MGAT5: variants seen among roughly 807,000 people sequenced by gnomAD.
The protein encoded by MGAT5 is alpha-1,6-mannosylglycoprotein 6-beta-N-acetylglucosaminyltransferase A.
Under a neutral mutation model 94.3 loss-of-function variants are expected in MGAT5, and 30 were observed. That is an observed-to-expected ratio of 0.32 (90% CI 0.24 to 0.43). MGAT5 has a LOEUF of 0.43. MGAT5 is among the 20% of genes least tolerant of loss of function. The probability of loss-of-function intolerance (pLI) is 1.00; values close to 1 mark genes in which losing one functional copy is unlikely to be tolerated. For missense variants in MGAT5, 691 were observed against 905.5 expected (o/e 0.76, Z 3.04); for synonymous variants, 310 against 322.9 (o/e 0.96, Z 0.43).
At chr2:134,235,204 C>G (rs1292360297) in intron 1 of MGAT5, among the ~76,000 whole-genome samples, 3 of 152,092 alleles carry the variant, frequency 2.0e-5, no homozygotes, top group Non-Finnish European at 4.4e-5. Context: ...TGCCATGCTC[C>G]CCGACCTCAT....
At chr2:134,137,449 A>T (rs1251702511) in intron 1 of MGAT5, among the ~76,000 whole-genome samples, 1 of 152,170 alleles carries the variant, frequency 6.6e-6, no homozygotes, top group Admixed American at 6.5e-5. Flanking sequence ...ACTTCTCTTG[A>T]TAGGAAATGA....
intron 1 of MGAT5, among the ~76,000 whole-genome samples, chr2:134,246,442 G>A (rs1682265542): frequency 6.6e-6 from 1 of 152,196 alleles, no homozygotes; most frequent in Non-Finnish European, 1.5e-5. Context: ...AGAGAAAGCT[G>A]CTTTGCCTGT....
At chr2:134,242,520 T>C (rs1682026244) in intron 1 of MGAT5, among the ~76,000 whole-genome samples, 1 of 152,210 alleles carries the variant, frequency 6.6e-6, no homozygotes, top group Non-Finnish European at 1.5e-5. Context: ...CCACTGGAAA[T>C]TAGGATCTGA....
chr2:134,352,609 A>G (rs1195507318), intron 9 of MGAT5, among the ~76,000 whole-genome samples: 1 of 152,216 alleles, frequency 6.6e-6, no homozygotes, highest in African/African-American at 2.4e-5. Context: ...CCCATTGGAT[A>G]AAGTTATCCA....
chr2:134,277,994 A>G (rs1466066708), intron 2 of MGAT5, among the ~76,000 whole-genome samples: 1 of 152,208 alleles, frequency 6.6e-6, no homozygotes, highest in Non-Finnish European at 1.5e-5. Context: ...CTTAAACTAA[A>G]AGGGAACTTG....
In MGAT5 at chr2:134,422,919, G is replaced by A; in HGVS notation, c.1794G>A (p.Lys598=). Residue 598 remains lysine, a splice_region_variant and synonymous_variant, in exon 13 of 16, where the codon AAG becomes AAA. Coordinates refer to ENST00000281923, the MANE Select transcript of MGAT5 (RefSeq NM_002410.5). ...EDAVKAILNQ[K]IEPYMPYEFT... Reference sequence around the variant, plus strand: ...CAGTGAAAGCAATTTTAAATCAGAAGGTTGGTTCATTTTATTCCACTTTCC... The same window carrying A: ...CAGTGAAAGCAATTTTAAATCAGAAAGTTGGTTCATTTTATTCCACTTTCC... The A allele has an allele frequency of 6.2e-7, 1 of 1,608,940 alleles. No individual in the cohort carries two copies. Among genetic ancestry groups the A allele is most frequent in the Non-Finnish European group, 8.5e-7 (1 of 1,175,496 alleles).
At chr2:134,313,037 AACACACACACACACACACACACACACAC>A (rs201311442) in intron 2 of MGAT5, among the ~76,000 whole-genome samples, 14 of 139,192 alleles carry the variant, frequency 1.0e-4, no homozygotes, top group East Asian at 6.6e-4. Flanking sequence ...GCAAGAAATA[AACACACACACACACACACACACACACAC>A]ACACACACAC....
intron 8 of MGAT5, among the ~76,000 whole-genome samples, chr2:134,345,445 A>G (rs1249631175): frequency 6.6e-6 from 1 of 152,066 alleles, no homozygotes; most frequent in Admixed American, 6.6e-5. Context: ...CCTCATCAGT[A>G]TTCTTGTCAT....
intron 1 of MGAT5, among the ~76,000 whole-genome samples, chr2:134,205,661 T>C (rs1679992326): frequency 6.6e-6 from 1 of 152,178 alleles, no homozygotes; most frequent in Non-Finnish European, 1.5e-5. Context: ...CTTGTTCAGT[T>C]GAGGGGTCAA....
chr2:134,231,462 G>T (rs1681361038), intron 1 of MGAT5: 2 of 152,212 alleles, frequency 1.3e-5, no homozygotes, highest in African/African-American at 4.8e-5. Flanking sequence ...TTCCTCTGTG[G>T]TGGGTGGTAA....
In MGAT5 at chr2:134,451,696, T is replaced by C. The variant is rs1429686751; in HGVS notation, c.*2849T>C. The C allele has an allele frequency of 6.6e-6, 1 of 152,248 alleles. No individual in the cohort carries two copies. Among genetic ancestry groups the C allele is most frequent in the Non-Finnish European group, 1.5e-5 (1 of 68,046 alleles). 9.4% of individuals were successfully genotyped at this position (152,248 alleles called of 1,614,324 possible). A position where few individuals can be genotyped will look rare whatever the true frequency, so the allele number is the denominator to read the frequency against. ...CCCCGCTATAATATCTTGCCTGTTT[T>C]TTTGGATTATTTTCCCCATTGTGAT... On this transcript the variant is annotated 3_prime_UTR_variant, in exon 16 of 16. Transcript: ENST00000281923.
At chr2:134,297,530 G>T (rs1337599978) in intron 2 of MGAT5, among the ~76,000 whole-genome samples, 1 of 152,054 alleles carries the variant, frequency 6.6e-6, no homozygotes, top group Non-Finnish European at 1.5e-5. Context: ...TATGAAAAGG[G>T]TTATATATAA....
chr2:134,349,639 G>A (rs113282998), intron 8 of MGAT5, among the ~76,000 whole-genome samples, 166 bp from the exon 9 acceptor site: 2 of 152,330 alleles, frequency 1.3e-5, no homozygotes, highest in African/African-American at 4.8e-5. Context: ...ACAAGTAGAT[G>A]TTCGGTACAC....
intron 12 of MGAT5, among the ~76,000 whole-genome samples, chr2:134,418,436 C>T (rs898965528): frequency 2.9e-4 from 44 of 152,176 alleles, no homozygotes; most frequent in African/African-American, 1.0e-3. Flanking sequence ...ACACAGATGA[C>T]TCCATCAGTC....
intron 1 of MGAT5, among the ~76,000 whole-genome samples, chr2:134,233,900 T>C (rs1681497076): frequency 6.6e-6 from 1 of 152,200 alleles, no homozygotes; most frequent in Admixed American, 6.5e-5. Context: ...CACAACACTC[T>C]AGGTTTGACT....
At chr2:134,143,832 A>G (rs1423656343) in intron 1 of MGAT5, among the ~76,000 whole-genome samples, 1 of 152,208 alleles carries the variant, frequency 6.6e-6, no homozygotes, top group Non-Finnish European at 1.5e-5. Flanking sequence ...TGCAGAAGAG[A>G]AGGCAGACTA....
chr2:134,154,138 A>G (rs1372285173), intron 1 of MGAT5, among the ~76,000 whole-genome samples: 1 of 152,164 alleles, frequency 6.6e-6, no homozygotes, highest in Non-Finnish European at 1.5e-5. Context: ...TAATACATAG[A>G]CTTTGTGGCC....
At chr2:134,293,327 T>G (rs556293750) in intron 2 of MGAT5, among the ~76,000 whole-genome samples, 1 of 152,190 alleles carries the variant, frequency 6.6e-6, no homozygotes, top group Admixed American at 6.5e-5. Flanking sequence ...AGTATACGTA[T>G]GCGAGGGAAA....
intron 1 of MGAT5, among the ~76,000 whole-genome samples, chr2:134,187,453 CT>C (rs1344824179): frequency 1.3e-5 from 2 of 152,168 alleles, no homozygotes; most frequent in African/African-American, 4.8e-5. Flanking sequence ...TTATCTCCTG[CT>C]ACCTTCCCTA....
Sources: allele counts gnomAD v4.1 joint callset (sites outside exome capture counted in the v4.1 genomes callset), GRCh38; gene constraint gnomAD v4.1.1; transcripts MANE v1.5; gene names NCBI Gene and HGNC (gene_info 2026-07-23, HGNC 2026-07-21).